SEZ6L: variants seen among roughly 807,000 people sequenced by gnomAD.
The protein encoded by SEZ6L is seizure 6-like protein.
A neutral mutation model predicts 106.2 loss-of-function variants in SEZ6L; 37 were observed. The ratio of observed to expected loss-of-function variants is 0.35; its 90% confidence interval spans 0.27 to 0.46. The LOEUF (loss-of-function observed/expected upper bound fraction) is 0.46. Among genes scored for constraint, SEZ6L ranks in the 20% least tolerant of loss-of-function variants. SEZ6L has a pLI of 1.00. For missense variants in SEZ6L, 1,172 were observed against 1,332.8 expected (o/e 0.88, Z 1.88); for synonymous variants, 541 against 570.4 (o/e 0.95, Z 0.73).
At chr22:26,303,590 T>A (rs1305213979) in intron 5 of SEZ6L, among the ~76,000 whole-genome samples, 1 of 152,216 alleles carries the variant, frequency 6.6e-6, no homozygotes, top group African/African-American at 2.4e-5. Flanking sequence ...TATGTGTATG[T>A]CCTTGAGGAA....
intron 5 of SEZ6L, among the ~76,000 whole-genome samples, chr22:26,300,311 C>T (rs929515824): frequency 6.6e-6 from 1 of 152,154 alleles, no homozygotes; most frequent in Non-Finnish European, 1.5e-5. Flanking sequence ...CCCCTCTCCC[C>T]ACCCCACAAC....
intron 1 of SEZ6L, among the ~76,000 whole-genome samples, chr22:26,171,995 G>C (rs530767826): frequency 6.6e-6 from 1 of 152,000 alleles, no homozygotes. Flanking sequence ...AAAGGGACTT[G>C]TTGCTACATT....
At position 26,212,135 on chromosome 22, in the gene SEZ6L, G is replaced by T. The variant is rs1030520312; in HGVS notation, c.94+42372G>T. ...AGAGGCCTGGGATGAGAGGGAACAC[G>T]CAGAGTTTAAGGAATTAGAAGCGGG... is the stretch of plus-strand genomic sequence containing the variant. On this transcript the variant is annotated intron_variant, in intron 1 of 16. Transcript: ENST00000248933. Among the ~76,000 whole-genome samples, 5 of 152,238 alleles carry T rather than the reference G, an allele frequency of 3.3e-5. No individual in the cohort carries two copies. The South Asian group carries it at 1.0e-3, about 32-fold the overall frequency.
chr22:26,308,161 T>G (rs538709217), intron 6 of SEZ6L, among the ~76,000 whole-genome samples: 8 of 152,246 alleles, frequency 5.3e-5, no homozygotes, highest in African/African-American at 1.9e-4. Flanking sequence ...ATATGTCAGT[T>G]GCAAGAACTC....
intron 1 of SEZ6L, among the ~76,000 whole-genome samples, chr22:26,226,635 A>C (rs1384750406): frequency 6.6e-6 from 1 of 152,140 alleles, no homozygotes; most frequent in African/African-American, 2.4e-5. Flanking sequence ...CTGTGGCAGA[A>C]ACTGTGGATA....
chr22:26,369,670 C>A (rs1383144004), intron 13 of SEZ6L, among the ~76,000 whole-genome samples: 1 of 151,366 alleles, frequency 6.6e-6, no homozygotes, highest in Non-Finnish European at 1.5e-5. Context: ...AACAAGGGGT[C>A]CTTTTGAAGA....
chr22:26,235,282 C>G (rs868445937), intron 1 of SEZ6L, among the ~76,000 whole-genome samples: 1 of 152,318 alleles, frequency 6.6e-6, no homozygotes, highest in Middle Eastern at 3.4e-3. Flanking sequence ...TATCCCCAAG[C>G]AAACATGTCC....
Position 26,272,791 on chromosome 22 carries a change from C to A in SEZ6L, c.95-19615C>A, listed in dbSNP as rs140496712. Among the ~76,000 whole-genome samples, 308 of 152,288 alleles carry A rather than the reference C, an allele frequency of 2.0e-3. 8 individuals carry two copies. In the East Asian group the frequency reaches 0.031, roughly 15 times the overall value. Reference sequence around the variant, plus strand: ...AATGTATTTAGAATGCTCTTAACATCACCTAAAATAAAATAGAGCTAGTAG... The same window carrying A: ...AATGTATTTAGAATGCTCTTAACATAACCTAAAATAAAATAGAGCTAGTAG... On this transcript the variant is annotated intron_variant, in intron 1 of 16. Transcript: ENST00000248933.
chr22:26,348,513 A>AGAAGGAAGGAAGGAAGGAAGGAAGGAAG, intron 11 of SEZ6L, among the ~76,000 whole-genome samples: 1 of 33,170 alleles, frequency 3.0e-5, no homozygotes, highest in East Asian at 7.4e-4. Context: ...TGGGAGAGAG[A>AGAAGGAAGGAAGGAAGGAAGGAAGGAAG]GAAGGAAGGA....
In SEZ6L at chr22:26,365,530, C is replaced by A; in HGVS notation, c.2758C>A (p.Pro920Thr). ...EVTIRCILGQPSHWNGPLPVC... is the reference protein window; with the variant it reads ...EVTIRCILGQTSHWNGPLPVC... ...GACCATCCGCTGCATCCTGGGACAG[C>A]CATCCCACTGGAACGGGCCCCTGCC... Residue 920 changes from proline (P) to threonine (T), a missense_variant, in exon 13 of 17, where the codon CCA becomes ACA. By Grantham distance (38) the Pro-to-Thr change is conservative. Coordinates refer to ENST00000248933, the MANE Select transcript of SEZ6L (RefSeq NM_021115.5). 1 of 1,614,100 alleles carries A rather than the reference C, an allele frequency of 6.2e-7. No homozygotes were observed. Among genetic ancestry groups the A allele is most frequent in the South Asian group, 1.1e-5 (1 of 91,078 alleles).
At chr22:26,294,461 G>C (rs199835666) in intron 3 of SEZ6L, 36 bp downstream of exon 3, 2 of 1,600,414 alleles carry the variant, frequency 1.2e-6, no homozygotes, top group Admixed American at 3.3e-5. Context: ...AGGCTGCCTC[G>C]TCTAGCAGGA....
At chr22:26,291,631 C>T (rs2081111947) in intron 1 of SEZ6L, among the ~76,000 whole-genome samples, 1 of 152,152 alleles carries the variant, frequency 6.6e-6, no homozygotes, top group Admixed American at 6.5e-5. Flanking sequence ...CTCTCCTCCC[C>T]CATCCCCCAA....
chr22:26,233,273 G>A (rs1422722195), intron 1 of SEZ6L, among the ~76,000 whole-genome samples: 3 of 152,146 alleles, frequency 2.0e-5, no homozygotes, highest in Non-Finnish European at 2.9e-5. Flanking sequence ...CTCCTCATGC[G>A]GCGCCTCTTC....
intron 12 of SEZ6L, among the ~76,000 whole-genome samples, chr22:26,359,343 C>T (rs2083538308): frequency 6.6e-6 from 1 of 152,212 alleles, no homozygotes; most frequent in South Asian, 2.1e-4. Flanking sequence ...CAGTGAGTTC[C>T]ACCTGAGCCT....
At chr22:26,203,251 G>A (rs1260699630) in intron 1 of SEZ6L, among the ~76,000 whole-genome samples, 1 of 152,254 alleles carries the variant, frequency 6.6e-6, no homozygotes, top group Admixed American at 6.5e-5. Context: ...TTTCATCTCT[G>A]TGCCATGCAC....
At chr22:26,369,341 C>CTTTTTTTTTTTTTTTTTTTTTTTTTTT (rs199641007) in intron 13 of SEZ6L, among the ~76,000 whole-genome samples, 2,332 of 103,376 alleles carry the variant, frequency 0.023, 783 homozygotes, top group East Asian at 0.11. Flanking sequence ...ATAAGCAGTT[C>CTTTTTTTTTTTTTTTTTTTTTTTTTTT]TTTTGTTTTT....
chr22:26,257,796 G>A (rs2079873410), intron 1 of SEZ6L, among the ~76,000 whole-genome samples: 1 of 152,168 alleles, frequency 6.6e-6, no homozygotes, highest in Non-Finnish European at 1.5e-5. Flanking sequence ...GGAGTTGCTG[G>A]AGCTTGGAGA....
chr22:26,301,064 G>A (rs957729241), intron 5 of SEZ6L, among the ~76,000 whole-genome samples: 3 of 152,200 alleles, frequency 2.0e-5, no homozygotes, highest in Non-Finnish European at 4.4e-5. Flanking sequence ...CCGTGCCAGA[G>A]GCTGCATTTA....
chr22:26,210,087 G>A (rs1001007242), intron 1 of SEZ6L, among the ~76,000 whole-genome samples: 7 of 152,066 alleles, frequency 4.6e-5, no homozygotes, highest in Non-Finnish European at 1.0e-4. Context: ...TCATTTGTTT[G>A]TGAACCAAGG....
Sources: allele counts gnomAD v4.1 joint callset (sites outside exome capture counted in the v4.1 genomes callset), GRCh38; gene constraint gnomAD v4.1.1; transcripts MANE v1.5; gene names NCBI Gene and HGNC (gene_info 2026-07-23, HGNC 2026-07-21).